The following SLC8A2 variants were observed in gnomAD, a reference collection of about 807,000 sequenced individuals.
The protein encoded by SLC8A2 is solute carrier family 8 member A2, also known as sodium/calcium exchanger 2.
A neutral mutation model predicts 70.2 loss-of-function variants in SLC8A2; 14 were observed. That is an observed-to-expected ratio of 0.20 (90% CI 0.13 to 0.31). The LOEUF is 0.31. Ranked by LOEUF, SLC8A2 falls within the 10% of genes least tolerant of loss-of-function variation. SLC8A2 has a pLI of 1.00. For synonymous variants in SLC8A2, 575 were observed against 594.3 expected (o/e 0.97, Z 0.47); for missense variants, 779 against 1,320.1 (o/e 0.59, Z 6.35).
In SLC8A2 at chr19:47,466,926, G is replaced by A. The variant is rs901548150; in HGVS notation, c.-16-507C>T. On this transcript the variant is annotated intron_variant, in intron 1 of 9. Transcript: ENST00000236877. The surrounding 1 kb of genome is among the most constrained non-coding windows in gnomAD (Gnocchi z 6.9). The stretch of plus-strand genomic sequence containing the variant: ...ACAAAAATTAGCTGGGCAGGGTGGC[G>A]GGAGCCTGTAACCCCAGCTACTCGG... 2.6e-5 allele frequency among the ~76,000 whole-genome samples: 4 copies of A among 152,040 alleles called. No homozygotes were observed. Among genetic ancestry groups the A allele is most frequent in the Non-Finnish European group, 5.9e-5 (4 of 68,000 alleles).
Position 47,432,160 on chromosome 19 carries a change from G to A in SLC8A2, c.2389+7C>T, listed in dbSNP as rs1966971451. ...TCCTACCCCACCAAAGTCTCCCAGG[G>A]TGTTACCAGGGATGGAGGTGCCCAG... On this transcript the variant is annotated splice_region_variant and intron_variant, in intron 9 of 9. Coordinates refer to ENST00000236877, the MANE Select transcript of SLC8A2 (RefSeq NM_015063.3). The surrounding 1 kb of genome is among the most constrained non-coding windows in gnomAD (Gnocchi z 6.2). The A allele has an allele frequency of 1.2e-6, 2 of 1,600,100 alleles. No homozygotes were observed. Among genetic ancestry groups the A allele is most frequent in the Admixed American group, 1.7e-5 (1 of 59,230 alleles).
At position 47,432,249 on chromosome 19, in the gene SLC8A2, G is replaced by A. The variant is rs908810632; in HGVS notation, c.2307C>T (p.Leu769=). The change falls in exon 9 of 10, where the codon CTC becomes CTT. Residue 769 remains leucine (L), a synonymous_variant. Coordinates refer to ENST00000236877, the MANE Select transcript of SLC8A2 (RefSeq NM_015063.3). The surrounding 1 kb of genome is among the most constrained non-coding windows in gnomAD (Gnocchi z 6.2). Reference sequence around the variant, plus strand: ...CAACGGTGCAGCCGAAGTGGGAGGCGAGGTCCCCAATGAGGGCGGTGAGCA... The same window carrying A: ...CAACGGTGCAGCCGAAGTGGGAGGCAAGGTCCCCAATGAGGGCGGTGAGCA... ...IGLLTALIGD[L]ASHFGCTVGL... 5.6e-5 allele frequency: 91 copies of A among 1,613,984 alleles called. No homozygotes were observed. Among genetic ancestry groups the A allele is most frequent in the Non-Finnish European group, 6.9e-5 (82 of 1,180,000 alleles).
chr19:47,437,797 C>T, intron 7 of SLC8A2, 52 bp downstream of exon 7: 1 of 1,610,518 alleles, frequency 6.2e-7, no homozygotes, highest in Non-Finnish European at 8.5e-7. Context: ...GGACCCTCCC[C>T]AAGGAAATGA....
intron 1 of SLC8A2, among the ~76,000 whole-genome samples, chr19:47,470,874 G>A (rs938842844): frequency 1.2e-4 from 18 of 152,058 alleles, no homozygotes; most frequent in Non-Finnish European, 2.4e-4. Context: ...GTGGGTGCCG[G>A]CTGGGAGGAG....
chr19:47,454,520 C>T (rs945830789), intron 3 of SLC8A2, among the ~76,000 whole-genome samples: 2 of 151,676 alleles, frequency 1.3e-5, no homozygotes, highest in African/African-American at 4.8e-5. Flanking sequence ...CACAGCACAC[C>T]ATGCACCTGT....
In SLC8A2 at chr19:47,466,539, T is replaced by A. The variant is rs977379159; in HGVS notation, c.-16-120A>T. On this transcript the variant is annotated intron_variant, in intron 1 of 9. Coordinates refer to ENST00000236877, the MANE Select transcript of SLC8A2 (RefSeq NM_015063.3). This position sits in a 1 kb window ranked among gnomAD's most constrained non-coding sequence, Gnocchi z 6.9. ...AAGCTGAGGACCAATGCAGGCAGGA[T>A]GGGGACTGAGGGCGACAGAGACACA... 1.2e-5 allele frequency: 7 copies of A among 562,734 alleles called. No individual in the cohort carries two copies. The highest frequency in any genetic ancestry group is 5.8e-5 in the East Asian group (2 of 34,584). 34.9% of individuals were successfully genotyped at this position (562,734 alleles called of 1,614,324 possible). A position where few individuals can be genotyped will look rare whatever the true frequency, so the allele number is the denominator to read the frequency against.
At chr19:47,439,313 A>T (rs1386777465) in intron 6 of SLC8A2, among the ~76,000 whole-genome samples, 2 of 152,154 alleles carry the variant, frequency 1.3e-5, no homozygotes, top group Non-Finnish European at 2.9e-5. Context: ...GGATCACCTG[A>T]GGTCAGGAGT....
chr19:47,439,711 T>C lies in SLC8A2; in HGVS notation c.1885+1458A>G, dbSNP rs373469533. 1.9e-4 allele frequency among the ~76,000 whole-genome samples: 28 copies of C among 150,876 alleles called. No individual in the cohort carries two copies. The East Asian group carries it at 4.9e-3, about 26-fold the overall frequency. ...TGGAGTCTCGCTCTGTCACCCAGGC[T>C]GGAGTGCAGTGGCACGATCTCGGCT... is the stretch of plus-strand genomic sequence containing the variant. On this transcript the variant is annotated intron_variant, in intron 6 of 9. Transcript: ENST00000236877.
chr19:47,439,458 G>A (rs1967071234), intron 6 of SLC8A2, among the ~76,000 whole-genome samples: 2 of 152,058 alleles, frequency 1.3e-5, no homozygotes, highest in South Asian at 2.1e-4. Context: ...CTTGAACCCC[G>A]GGGGGTGGAG....
chr19:47,460,494 T>A (rs1247996195), intron 2 of SLC8A2, among the ~76,000 whole-genome samples: 1 of 151,850 alleles, frequency 6.6e-6, no homozygotes. Flanking sequence ...GGCCAGGAGT[T>A]CGAGACCAGC....
At chr19:47,450,858 G>T (rs1215618685) in intron 3 of SLC8A2, among the ~76,000 whole-genome samples, 1 of 152,090 alleles carries the variant, frequency 6.6e-6, no homozygotes, top group African/African-American at 2.4e-5. Context: ...GGACTGAATT[G>T]ATACAGGGGA....
At chr19:47,471,764 C>T (rs1967544174) in intron 1 of SLC8A2, 25 bp downstream of exon 1, 1 of 152,136 alleles carries the variant, frequency 6.6e-6, no homozygotes, top group Admixed American at 6.5e-5. Flanking sequence ...CACGCCCCCA[C>T]CTCCCCACCA....
rs1453194448 is a variant in SLC8A2 at position 47,465,429 on chromosome 19, T to G, written c.675+300A>C. The stretch of plus-strand genomic sequence containing the variant: ...GGAGCTAAAAGGTGCCCCTTCCAAG[T>G]GAGTGTACTGTTCTTAAGTGCAAAA... On this transcript the variant is annotated intron_variant, in intron 2 of 9. Coordinates refer to ENST00000236877, the MANE Select transcript of SLC8A2 (RefSeq NM_015063.3). This position sits in a 1 kb window ranked among gnomAD's most constrained non-coding sequence, Gnocchi z 5.5. Among the ~76,000 whole-genome samples the G allele has an allele frequency of 6.6e-6, 1 of 152,154 alleles. No homozygotes were observed. Among genetic ancestry groups the G allele is most frequent in the Admixed American group, 6.6e-5 (1 of 15,266 alleles).
At chr19:47,438,000 C>T in intron 6 of SLC8A2, 27 bp from the exon 7 acceptor site, 1 of 1,613,710 alleles carries the variant, frequency 6.2e-7, no homozygotes, top group Non-Finnish European at 8.5e-7. Flanking sequence ...GGGGGTTAGA[C>T]TCCTGGGAGA....
intron 2 of SLC8A2, among the ~76,000 whole-genome samples, chr19:47,458,738 C>G (rs1347697488): frequency 6.6e-6 from 1 of 151,486 alleles, no homozygotes; most frequent in Admixed American, 6.6e-5. Flanking sequence ...TCTCCATCTC[C>G]CTCCCTTGTG....
chr19:47,457,721 G>T, intron 2 of SLC8A2, 127 bp from the exon 3 acceptor site: 1 of 522,414 alleles, frequency 1.9e-6, no homozygotes, highest in Non-Finnish European at 3.3e-6. Flanking sequence ...CCGCCCCGTC[G>T]TCTCTCCCTA....
intron 1 of SLC8A2, among the ~76,000 whole-genome samples, chr19:47,471,404 G>A (rs1289854043): frequency 3.3e-5 from 5 of 151,932 alleles, no homozygotes; most frequent in African/African-American, 4.8e-5. Flanking sequence ...GACTCCCAGA[G>A]GCGGCCAGAC....
chr19:47,458,249 CCT>C (rs1967341185), intron 2 of SLC8A2, among the ~76,000 whole-genome samples: 1 of 134,950 alleles, frequency 7.4e-6, no homozygotes, highest in African/African-American at 2.8e-5. Flanking sequence ...GTCTCTCTCC[CCT>C]CTCCCCCAAG....
intron 2 of SLC8A2, among the ~76,000 whole-genome samples, chr19:47,464,126 T>C (rs1967429660): frequency 2.0e-5 from 3 of 152,204 alleles, no homozygotes; most frequent in African/African-American, 4.8e-5. Context: ...TTTCTTTCTT[T>C]TTTTAGATAG....
Sources: gnomAD v4.1 joint callset for allele counts (sites outside exome capture counted in the v4.1 genomes callset) on GRCh38, gnomAD v4.1.1 for gene constraint, Gnocchi (gnomAD v3.1) non-coding constraint, MANE v1.5 for transcripts, NCBI Gene and HGNC (gene_info 2026-07-23, HGNC 2026-07-21) for gene names.